EPN2: variants seen among roughly 807,000 people sequenced by gnomAD.
EPN2 encodes the protein epsin 2, also known as epsin-2.
In EPN2, 34 loss-of-function variants were observed where a neutral mutation model predicts 61.7. That is an observed-to-expected ratio of 0.55 (90% CI 0.42 to 0.73). The LOEUF is 0.73. EPN2 is among the 30% of genes least tolerant of loss of function. EPN2 has a pLI of 0.00. For missense variants in EPN2, 714 were observed against 839.2 expected, an observed-to-expected ratio of 0.85 and a Z score of 1.84; for synonymous variants, 349 against 353.6, an observed-to-expected ratio of 0.99 and a Z score of 0.15.
chr17:19,272,961 C>T (rs1025410747), intron 1 of EPN2, among the ~76,000 whole-genome samples: 7 of 152,230 alleles, frequency 4.6e-5, no homozygotes, highest in Admixed American at 4.6e-4. Context: ...ATGTATTCTA[C>T]ACCCACAGGC....
intron 6 of EPN2, chr17:19,312,840 T>G: frequency 2.3e-6 from 1 of 432,410 alleles, no homozygotes. Flanking sequence ...CAGAAGCCAG[T>G]GTTAGCCTGG....
intron 1 of EPN2, among the ~76,000 whole-genome samples, chr17:19,247,503 G>A (rs918280399): frequency 2.0e-5 from 3 of 152,226 alleles, no homozygotes; most frequent in African/African-American, 7.2e-5. Context: ...CTAAGTGGAA[G>A]GCAGATGGGA....
At chr17:19,263,188 A>G (rs887965120) in intron 1 of EPN2, among the ~76,000 whole-genome samples, 4 of 152,336 alleles carry the variant, frequency 2.6e-5, no homozygotes, top group South Asian at 2.1e-4. Context: ...CATCATTTCT[A>G]TCTCATCTCA....
In EPN2 at chr17:19,314,090, T is replaced by C. The variant is rs58633927; in HGVS notation, c.1147+811T>C. On this transcript the variant is annotated intron_variant, in intron 7 of 10. Coordinates refer to ENST00000314728, the MANE Select transcript of EPN2 (RefSeq NM_014964.5). ...CTCAGAACCGTCTCTTGTGTTTAAC[T>C]CGGTTCCCTAGATGTTTGCTAAAAT... Among the ~76,000 whole-genome samples, 582 of 152,310 alleles carry C rather than the reference T, an allele frequency of 3.8e-3. 12 individuals are homozygous for C. The East Asian group carries it at 0.058, about 15-fold the overall frequency.
intron 3 of EPN2, among the ~76,000 whole-genome samples, chr17:19,284,515 G>A (rs1240172784): frequency 6.6e-6 from 1 of 152,204 alleles, no homozygotes; most frequent in Non-Finnish European, 1.5e-5. Flanking sequence ...GAGACAGGTG[G>A]CCCTAGTGGC....
At chr17:19,253,419 T>C (rs1474572537) in intron 1 of EPN2, among the ~76,000 whole-genome samples, 3 of 148,782 alleles carry the variant, frequency 2.0e-5, no homozygotes, top group Admixed American at 1.3e-4. Context: ...GCTTTTTTTT[T>C]TTTTTTTTTT....
chr17:19,287,640 T>C (rs1012592779), intron 4 of EPN2, among the ~76,000 whole-genome samples: 6 of 152,182 alleles, frequency 3.9e-5, no homozygotes. Context: ...GTCAGAATGA[T>C]GCCGGCCATT....
At chr17:19,294,031 AG>A (rs1272131593) in intron 4 of EPN2, among the ~76,000 whole-genome samples, 1 of 151,892 alleles carries the variant, frequency 6.6e-6, no homozygotes, top group East Asian at 1.9e-4. Context: ...CAGAGGTTGC[AG>A]TGAGCTGAGA....
Position 19,335,600 on chromosome 17 carries a change from T to G in EPN2, c.*1346T>G. The G allele has an allele frequency of 1.9e-5, 14 of 718,018 alleles. No homozygotes were observed. The highest frequency in any genetic ancestry group is 6.7e-5 in the East Asian group (2 of 29,716). The allele number at this position is 718,018 out of a possible 1,614,324, so 44.5% of individuals were successfully genotyped here. On this transcript the variant is annotated 3_prime_UTR_variant, in exon 11 of 11. Transcript: ENST00000314728. ...GTGCCCACGGGTCCCTGGGCAACAGTCCCTAGGCTAAGACAGGGGTGGGGG... is the reference window on the plus strand; with the variant it reads ...GTGCCCACGGGTCCCTGGGCAACAGGCCCTAGGCTAAGACAGGGGTGGGGG...
At chr17:19,296,337 G>T (rs565081897) in intron 4 of EPN2, among the ~76,000 whole-genome samples, 1 of 152,072 alleles carries the variant, frequency 6.6e-6, no homozygotes, top group Non-Finnish European at 1.5e-5. Context: ...TTTTAGTAGA[G>T]ATGGGGTTTC....
At chr17:19,262,527 T>G (rs2045153218) in intron 1 of EPN2, among the ~76,000 whole-genome samples, 1 of 152,236 alleles carries the variant, frequency 6.6e-6, no homozygotes, top group Non-Finnish European at 1.5e-5. Flanking sequence ...TGATGCATAA[T>G]TTATTTGCCA....
chr17:19,254,857 TCTTTGTTTATGTAC>T (rs1228162239), intron 1 of EPN2, among the ~76,000 whole-genome samples: 1 of 152,198 alleles, frequency 6.6e-6, no homozygotes, highest in Non-Finnish European at 1.5e-5. Context: ...CAAGTCTGTG[TCTTTGTTTATGTAC>T]CTCAGCGACA....
chr17:19,282,876 C>T (rs2045371450), intron 2 of EPN2, 74 bp from the exon 3 acceptor site: 1 of 457,068 alleles, frequency 2.2e-6, no homozygotes, highest in Non-Finnish European at 3.9e-6. Flanking sequence ...TACCCAGTAC[C>T]TGCTGCTGGA....
chr17:19,285,452 G>A lies in EPN2; in HGVS notation c.596-168G>A, dbSNP rs2045395049. 1.3e-5 allele frequency among the ~76,000 whole-genome samples: 2 copies of A among 152,242 alleles called. No homozygotes were observed. Among genetic ancestry groups the A allele is most frequent in the Non-Finnish European group, 1.5e-5 (1 of 68,038 alleles). On this transcript the variant is annotated intron_variant, in intron 3 of 10. Coordinates refer to ENST00000314728, the MANE Select transcript of EPN2 (RefSeq NM_014964.5). The surrounding 1 kb of genome is among the most constrained non-coding windows in gnomAD (Gnocchi z 4.5). ...TGGTTCCCTCAGACCTTACGCTTGA[G>A]CTGCATGTTCAGGGTCAGAATGTGG... is the stretch of plus-strand genomic sequence containing the variant.
At chr17:19,273,088 G>C (rs2045271287) in intron 1 of EPN2, 1 of 152,188 alleles carries the variant, frequency 6.6e-6, no homozygotes, top group Non-Finnish European at 1.5e-5. Flanking sequence ...TCAAGTTCTA[G>C]GAGGCCAAGT....
At position 19,285,860 on chromosome 17, in the gene EPN2, C is replaced by G; in HGVS notation, c.766+70C>G. On this transcript the variant is annotated intron_variant, in intron 4 of 10. Transcript: ENST00000314728. This position sits in a 1 kb window ranked among gnomAD's most constrained non-coding sequence, Gnocchi z 4.5. ...GCTTGCTGGGGGTGTGCTTGCCATG[C>G]CAGTACAGCCAACTCTCTCCCTGTC... 1 of 1,451,348 alleles carries G rather than the reference C, an allele frequency of 6.9e-7. No homozygotes were observed. Among genetic ancestry groups the G allele is most frequent in the Non-Finnish European group, 9.2e-7 (1 of 1,091,870 alleles). The allele number at this position is 1,451,348 out of a possible 1,614,324, so 89.9% of individuals were successfully genotyped here.
chr17:19,253,861 G>A (rs77987974), intron 1 of EPN2, among the ~76,000 whole-genome samples: 1 of 152,152 alleles, frequency 6.6e-6, no homozygotes, highest in South Asian at 2.1e-4. Flanking sequence ...TATAACAGTC[G>A]TGGTGGCTCA....
intron 1 of EPN2, among the ~76,000 whole-genome samples, chr17:19,267,842 A>G (rs899997166): frequency 3.9e-5 from 6 of 152,188 alleles, no homozygotes; most frequent in African/African-American, 7.2e-5. Context: ...CGTCCGGCCA[A>G]TCAGCTTTTA....
At chr17:19,312,747 G>A (rs1049808383) in intron 6 of EPN2, among the ~76,000 whole-genome samples, 6 of 152,210 alleles carry the variant, frequency 3.9e-5, no homozygotes, top group African/African-American at 1.2e-4. Flanking sequence ...GCAGGTGCCC[G>A]AGGAGGAGGG....
Sources: gnomAD v4.1 joint callset for allele counts (sites outside exome capture counted in the v4.1 genomes callset) on GRCh38, gnomAD v4.1.1 for gene constraint, Gnocchi (gnomAD v3.1) non-coding constraint, MANE v1.5 for transcripts, NCBI Gene and HGNC (gene_info 2026-07-23, HGNC 2026-07-21) for gene names.